The following PPP1R12B variants were observed in gnomAD, a reference collection of about 807,000 sequenced individuals.
PPP1R12B encodes the protein myosin phosphatase target subunit 2.
A neutral mutation model predicts 126.1 loss-of-function variants in PPP1R12B; 76 were observed. That is an observed-to-expected ratio of 0.60 (90% CI 0.50 to 0.73). The LOEUF (loss-of-function observed/expected upper bound fraction) is 0.73, where lower values mean the gene tolerates loss of function less well. Ranked by LOEUF, PPP1R12B falls within the 30% of genes least tolerant of loss-of-function variation. The pLI, the probability that PPP1R12B is intolerant of heterozygous loss-of-function variation, is 0.00. For synonymous variants in PPP1R12B, 356 were observed against 434.7 expected (o/e 0.82, Z 2.25); for missense variants, 1,052 against 1,205.1 (o/e 0.87, Z 1.88).
At chr1:202,383,400 C>T (rs1662650217) in intron 1 of PPP1R12B, among the ~76,000 whole-genome samples, 1 of 152,022 alleles carries the variant, frequency 6.6e-6, no homozygotes, top group Non-Finnish European at 1.5e-5. Context: ...ACATCATATT[C>T]TATGTATCCT....
intron 13 of PPP1R12B, among the ~76,000 whole-genome samples, chr1:202,463,699 G>A (rs1487755376): frequency 6.6e-6 from 1 of 152,162 alleles, no homozygotes; most frequent in African/African-American, 2.4e-5. Flanking sequence ...TTTTCCATGT[G>A]TATAAGATGA....
At chr1:202,394,432 A>G (rs1358319018) in intron 1 of PPP1R12B, among the ~76,000 whole-genome samples, 1 of 152,126 alleles carries the variant, frequency 6.6e-6, no homozygotes, top group Non-Finnish European at 1.5e-5. Flanking sequence ...CAATAAAAAT[A>G]TACTCTGTGT....
At chr1:202,412,854 T>C (rs1375187216) in intron 1 of PPP1R12B, among the ~76,000 whole-genome samples, 1 of 152,228 alleles carries the variant, frequency 6.6e-6, no homozygotes, top group Non-Finnish European at 1.5e-5. Flanking sequence ...TTACAGTTTT[T>C]AGTGAGATAC....
At chr1:202,488,724 AAC>A (rs141532496) in intron 14 of PPP1R12B, 101 bp downstream of exon 14, 28,191 of 865,336 alleles carry the variant, frequency 0.033, 38 homozygotes, top group East Asian at 0.047. Flanking sequence ...TGCTGATTTA[AAC>A]ACACACACAC....
intron 1 of PPP1R12B, among the ~76,000 whole-genome samples, chr1:202,364,492 T>G (rs1194355531): frequency 1.3e-5 from 2 of 152,182 alleles, no homozygotes; most frequent in African/African-American, 4.8e-5. Flanking sequence ...AGCGGCTCAA[T>G]CATGGCTCAC....
intron 1 of PPP1R12B, among the ~76,000 whole-genome samples, chr1:202,352,918 T>C (rs1415269248): frequency 2.7e-5 from 4 of 150,910 alleles, no homozygotes; most frequent in Non-Finnish European, 4.4e-5. Flanking sequence ...ATTCAGACTG[T>C]CTTTGTAATG....
At chr1:202,374,933 A>G (rs925410060) in intron 1 of PPP1R12B, among the ~76,000 whole-genome samples, 42 of 151,750 alleles carry the variant, frequency 2.8e-4, no homozygotes, top group African/African-American at 1.0e-3. Context: ...TTCTTTCTCC[A>G]ACTATTTTCT....
Position 202,465,154 on chromosome 1 carries a change from T to C in PPP1R12B, c.1850+15983T>C, listed in dbSNP as rs148659017. 2.4e-3 allele frequency among the ~76,000 whole-genome samples: 364 copies of C among 152,338 alleles called. 3 individuals are homozygous for C. The highest frequency in any genetic ancestry group is 8.4e-3 in the African/African-American group (351 of 41,574). On this transcript the variant is annotated intron_variant, in intron 13 of 23. Coordinates refer to ENST00000608999, the MANE Select transcript of PPP1R12B (RefSeq NM_002481.4). ...TTCTTAATTCACGTAAGAGAATGCA[T>C]TGAGGCTCAGCTAGGTTAAGGAATC...
intron 1 of PPP1R12B, among the ~76,000 whole-genome samples, chr1:202,388,452 C>T (rs1203518183): frequency 6.6e-6 from 1 of 152,172 alleles, no homozygotes; most frequent in Admixed American, 6.5e-5. Context: ...GTGATCCACC[C>T]ACCTTGGCCT....
intron 1 of PPP1R12B, among the ~76,000 whole-genome samples, chr1:202,392,929 T>C (rs1377947617): frequency 6.6e-6 from 1 of 151,978 alleles, no homozygotes; most frequent in Non-Finnish European, 1.5e-5. Flanking sequence ...CCTTTGAAAT[T>C]ATATACTTTT....
intron 10 of PPP1R12B, chr1:202,438,590 T>C (rs1671160191): frequency 4.2e-6 from 2 of 471,960 alleles, no homozygotes; most frequent in Middle Eastern, 3.9e-4. Context: ...ACATTGGCCC[T>C]AGAGTTCCTC....
chr1:202,351,483 C>T (rs1209147872), intron 1 of PPP1R12B, among the ~76,000 whole-genome samples: 2 of 152,184 alleles, frequency 1.3e-5, no homozygotes, highest in African/African-American at 4.8e-5. Context: ...AAATGATCTG[C>T]CTGCCTCGGC....
chr1:202,349,188 A>C (rs930734), intron 1 of PPP1R12B, 46 bp downstream of exon 1: 773,578 of 1,599,932 alleles, frequency 0.48, 194,067 homozygotes, highest in East Asian at 0.71. Flanking sequence ...CCTACAGATG[A>C]GCCTTTGACC....
chr1:202,503,588 A>G (rs1161744172), intron 18 of PPP1R12B, among the ~76,000 whole-genome samples: 3 of 152,176 alleles, frequency 2.0e-5, no homozygotes, highest in African/African-American at 4.8e-5. Flanking sequence ...ATGAATGTAG[A>G]CAGAGAAGAG....
chr1:202,537,589 G>C (rs1171250344), intron 18 of PPP1R12B, among the ~76,000 whole-genome samples: 1 of 152,184 alleles, frequency 6.6e-6, no homozygotes, highest in African/African-American at 2.4e-5. Flanking sequence ...TCCTAGAAGT[G>C]GACATAAGAT....
chr1:202,569,786 G>A (rs1688419296), intron 23 of PPP1R12B, among the ~76,000 whole-genome samples: 1 of 152,198 alleles, frequency 6.6e-6, no homozygotes, highest in African/African-American at 2.4e-5. Flanking sequence ...ACACTTCACA[G>A]CTCACTACTT....
chr1:202,370,122 CT>C, intron 1 of PPP1R12B: 1 of 249,946 alleles, frequency 4.0e-6, no homozygotes, highest in Non-Finnish European at 7.9e-6. Context: ...CAAAACTCTT[CT>C]TGCCTTTCTC....
At position 202,419,780 on chromosome 1, in the gene PPP1R12B, TAACCA is replaced by T. The variant is rs1456778672; in HGVS notation, c.423-2837_423-2833del. 2.6e-5 allele frequency among the ~76,000 whole-genome samples: 4 copies of T among 152,198 alleles called. No individual in the cohort carries two copies. Among genetic ancestry groups the T allele is most frequent in the African/African-American group, 9.6e-5 (4 of 41,456 alleles). On this transcript the variant is annotated intron_variant, in intron 2 of 23. Transcript: ENST00000608999. The surrounding 1 kb of genome is among the most constrained non-coding windows in gnomAD (Gnocchi z 4.6). ...ATGAGGAAGACCCAGTTGTTGCTAT[TAACCA>T]AAAACTATCTGAGGCAGGTCTCAAT...
intron 22 of PPP1R12B, among the ~76,000 whole-genome samples, chr1:202,568,252 G>A (rs141796607): frequency 2.6e-5 from 4 of 152,170 alleles, no homozygotes; most frequent in African/African-American, 9.6e-5. Context: ...AGCTTTCAGT[G>A]GGACCCTCTG....
Sources: gnomAD v4.1 joint callset for allele counts (sites outside exome capture counted in the v4.1 genomes callset) on GRCh38, gnomAD v4.1.1 for gene constraint, Gnocchi (gnomAD v3.1) non-coding constraint, MANE v1.5 for transcripts, NCBI Gene and HGNC (gene_info 2026-07-23, HGNC 2026-07-21) for gene names.